The following NDUFAF6 variants were observed in gnomAD, a reference collection of about 807,000 sequenced individuals.
The protein encoded by NDUFAF6 is NADH:ubiquinone oxidoreductase complex assembly factor 6.
Under a neutral mutation model 40.8 loss-of-function variants are expected in NDUFAF6, and 45 were observed. That is an observed-to-expected ratio of 1.10 (90% confidence interval 0.87 to 1.42). The LOEUF (loss-of-function observed/expected upper bound fraction) is 1.42. Among genes scored for constraint, NDUFAF6 ranks in the 40% most tolerant of loss-of-function variants. NDUFAF6 has a pLI of 0.00. For missense variants in NDUFAF6, 435 were observed against 418.5 expected (o/e 1.04, Z -0.34); for synonymous variants, 185 against 155.9 (o/e 1.19, Z -1.39).
downstream of NDUFAF6, chr8:95,058,839 T>C (rs1000807480): frequency 1.1e-6 from 1 of 942,560 alleles, no homozygotes; most frequent in African/African-American, 1.8e-5. Flanking sequence ...CATTAAACTT[T>C]TAAATTGTTT....
downstream of NDUFAF6, among the ~76,000 whole-genome samples, chr8:95,105,062 CACACAGAGAG>C (rs1385277090): frequency 9.7e-3 from 632 of 65,270 alleles, 2 homozygotes; most frequent in Middle Eastern, 0.062. Flanking sequence ...CACACACACA[CACACAGAGAG>C]AGAGAGAGAG....
At chr8:94,912,862 C>A (rs1422037060) in intron 1 of NDUFAF6, among the ~76,000 whole-genome samples, 2 of 151,982 alleles carry the variant, frequency 1.3e-5, no homozygotes, top group Non-Finnish European at 2.9e-5. Context: ...GCCTGTAGTC[C>A]CAGCTACTCT....
intron 2 of NDUFAF6, among the ~76,000 whole-genome samples, chr8:94,997,337 C>CAGAG (rs1408103848): frequency 4.6e-4 from 62 of 134,636 alleles, no homozygotes; most frequent in African/African-American, 1.7e-3. Context: ...CACACACACA[C>CAGAG]ACACACAGAG....
At chr8:94,965,726 C>T (rs1408099725) in intron 1 of NDUFAF6, among the ~76,000 whole-genome samples, 2 of 152,070 alleles carry the variant, frequency 1.3e-5, no homozygotes, top group East Asian at 3.8e-4. Context: ...AGATGTCTAG[C>T]GTGGAAGACT....
chr8:94,957,480 A>T (rs1301585987), upstream of NDUFAF6, among the ~76,000 whole-genome samples: 2 of 152,178 alleles, frequency 1.3e-5, no homozygotes, highest in African/African-American at 4.8e-5. Context: ...GGGACAGCCA[A>T]TGGGGTGACT....
At chr8:94,947,777 C>G (rs1586762750) in intron 2 of NDUFAF6, among the ~76,000 whole-genome samples, 2 of 152,318 alleles carry the variant, frequency 1.3e-5, no homozygotes, top group South Asian at 2.1e-4. Flanking sequence ...TCAGAGGAAG[C>G]AATGGCAGGA....
At chr8:95,094,781 C>G in intron 2 of NDUFAF6, among the ~76,000 whole-genome samples, 1 of 132,404 alleles carries the variant, frequency 7.6e-6, no homozygotes. Context: ...GAAATAGGGT[C>G]TTCGTCTGTT....
intron 1 of NDUFAF6, among the ~76,000 whole-genome samples, chr8:94,908,269 A>G (rs758625519): frequency 6.6e-6 from 1 of 152,186 alleles, no homozygotes; most frequent in Non-Finnish European, 1.5e-5. Context: ...ACATTCCATA[A>G]ATATGTGTGG....
At chr8:94,997,343 CAGAGAGAG>C (rs60911286) in intron 2 of NDUFAF6, among the ~76,000 whole-genome samples, 50 of 90,510 alleles carry the variant, frequency 5.5e-4, no homozygotes, top group Admixed American at 1.1e-3. Context: ...CACACACACA[CAGAGAGAG>C]AGAGAGAGAG....
intron 1 of NDUFAF6, among the ~76,000 whole-genome samples, chr8:94,920,975 TA>T (rs5893307): frequency 0.79 from 120,201 of 152,106 alleles, 48,586 homozygotes; most frequent in East Asian, 0.89. Context: ...TCCTCTTCAA[TA>T]AGGCTAGAAC....
At chr8:95,064,557 G>A (rs1349905593) in intron 9 of NDUFAF6, among the ~76,000 whole-genome samples, 1 of 152,062 alleles carries the variant, frequency 6.6e-6, no homozygotes, top group East Asian at 1.9e-4. Context: ...GTGTGTGTGT[G>A]TGTGTGCGCG....
At chr8:95,109,255 A>G (rs1177374870) in intron 4 of NDUFAF6, among the ~76,000 whole-genome samples, 2 of 152,252 alleles carry the variant, frequency 1.3e-5, no homozygotes, top group East Asian at 3.8e-4. Context: ...TTTGTCCAAC[A>G]TAATGTACAG....
intron 2 of NDUFAF6, among the ~76,000 whole-genome samples, chr8:94,985,515 ATTTTTTTTTTTTTTTTTTTT>A (rs1200345448): frequency 0.011 from 73 of 6,388 alleles, no homozygotes; most frequent in South Asian, 0.021. Context: ...ATATATATAT[ATTTTTTTTTTTTTTTTTTTT>A]TTTTTTTTTT....
At chr8:95,028,200 C>CA (rs1828409478) in intron 1 of NDUFAF6, among the ~76,000 whole-genome samples, 2 of 152,218 alleles carry the variant, frequency 1.3e-5, no homozygotes, top group Admixed American at 1.3e-4. Context: ...TACCCATCTT[C>CA]AGTGTCTGGA....
chr8:95,037,599 C>G (rs1183680352), intron 3 of NDUFAF6, among the ~76,000 whole-genome samples: 1 of 152,132 alleles, frequency 6.6e-6, no homozygotes, highest in Non-Finnish European at 1.5e-5. Context: ...GAACTAACGC[C>G]TTTTTAACTT....
intron 1 of NDUFAF6, among the ~76,000 whole-genome samples, chr8:94,913,674 C>T (rs1586630601): frequency 6.6e-6 from 1 of 152,328 alleles, no homozygotes; most frequent in East Asian, 1.9e-4. Flanking sequence ...TGGCATGCAC[C>T]TGTAGTCCCA....
chr8:94,952,939 A>T (rs1448989391), intron 2 of NDUFAF6, among the ~76,000 whole-genome samples: 2 of 152,250 alleles, frequency 1.3e-5, no homozygotes, highest in Admixed American at 1.3e-4. Context: ...CCTGCGCTGG[A>T]TTGTAACTAA....
intron 4 of NDUFAF6, chr8:95,044,437 G>C: frequency 6.8e-6 from 1 of 146,370 alleles, no homozygotes. Flanking sequence ...TGGAATCATT[G>C]CTGATGTCAT....
chr8:95,025,025 A>T lies in NDUFAF6; in HGVS notation c.17A>T (p.His6Leu). Reference protein sequence around the residue: MAASAHGSVWGPLRLG... With the variant: MAASALGSVWGPLRLG... ...GCCGGCGTCATGGCGGCCTCCGCGC[A>T]CGGCTCTGTCTGGGGGCCGTTGCGG... is the stretch of plus-strand genomic sequence containing the variant. The change falls in exon 1 of 9, where the codon CAC (histidine) becomes CTC (leucine). Residue 6 changes from histidine to leucine, a missense_variant. His to Leu is a moderately conservative substitution (Grantham distance 99). Transcript: ENST00000396124. 1 of 1,353,492 alleles carries T rather than the reference A, an allele frequency of 7.4e-7. No individual in the cohort carries two copies. Among genetic ancestry groups the T allele is most frequent in the Non-Finnish European group, 9.4e-7 (1 of 1,061,520 alleles). 83.8% of individuals were successfully genotyped at this position (1,353,492 alleles called of 1,614,324 possible).
Sources: gnomAD v4.1 joint callset for allele counts (sites outside exome capture counted in the v4.1 genomes callset) on GRCh38, gnomAD v4.1.1 for gene constraint, MANE v1.5 for transcripts, NCBI Gene and HGNC (gene_info 2026-07-23, HGNC 2026-07-21) for gene names.